The following STK3 variants were observed in gnomAD, a reference collection of about 807,000 sequenced individuals.
STK3 encodes the protein serine/threonine-protein kinase 3.
In STK3, 41 loss-of-function variants were observed where a neutral mutation model predicts 58.0. The observed-to-expected ratio is 0.71, with a 90% CI of 0.55 to 0.92. The LOEUF (loss-of-function observed/expected upper bound fraction) is 0.92. Among genes scored for constraint, STK3 ranks in the 40% least tolerant of loss-of-function variants. The pLI is 0.00. For missense variants in STK3, 479 were observed against 602.7 expected (o/e 0.79, Z 2.15); for synonymous variants, 170 against 191.0 (o/e 0.89, Z 0.91).
At position 98,658,948 on chromosome 8, in the gene STK3, A is replaced by C. The variant is rs1651396731; in HGVS notation, c.684+47519T>G. On this transcript the variant is annotated intron_variant, in intron 6 of 10. Coordinates refer to ENST00000419617, the MANE Select transcript of STK3 (RefSeq NM_006281.4). ...ATGCGCTGCATTAACAACTGCATTAACAACATTTTAGTCCTTTAGATATGC... is the reference window on the plus strand; with the variant it reads ...ATGCGCTGCATTAACAACTGCATTACCAACATTTTAGTCCTTTAGATATGC... Among the ~76,000 whole-genome samples, 7 of 152,218 alleles carry C rather than the reference A, an allele frequency of 4.6e-5. No individual in the cohort carries two copies. In the South Asian group the frequency reaches 1.5e-3, roughly 32 times the overall value.
In STK3 at chr8:98,869,022, AGAAGGAAGGAAGGAAGGAAGGAAG is replaced by A. The variant is rs200905250; in HGVS notation, c.110+14601_110+14624del. On this transcript the variant is annotated intron_variant, in intron 3 of 12. Transcript: ENST00000523601. ...AAAGAGAGAGAGAGAGAAAAAGGAA[AGAAGGAAGGAAGGAAGGAAGGAAG>A]GAAGGAAGGAAGGAAGGAAGGAAGG... Among the ~76,000 whole-genome samples, 424 of 111,776 alleles carry A rather than the reference AGAAGGAAGGAAGGAAGGAAGGAAG, an allele frequency of 3.8e-3. 6 individuals carry two copies. Among genetic ancestry groups the A allele is most frequent in the East Asian group, 0.031 (128 of 4,146 alleles). 73.3% of individuals were successfully genotyped at this position (111,776 alleles called of 152,430 possible). A position where few individuals can be genotyped will look rare whatever the true frequency, so the allele number is the denominator to read the frequency against.
At chr8:98,538,212 T>C (rs779066794) in intron 9 of STK3, among the ~76,000 whole-genome samples, 7 of 152,186 alleles carry the variant, frequency 4.6e-5, no homozygotes, top group African/African-American at 4.8e-5. Flanking sequence ...ACCTCATTAA[T>C]GGCCTTCGAA....
intron 1 of STK3, among the ~76,000 whole-genome samples, chr8:98,795,640 A>G (rs1042110161): frequency 1.3e-5 from 2 of 152,170 alleles, no homozygotes; most frequent in African/African-American, 4.8e-5. Context: ...TACCTAGAAA[A>G]CCTGAAAGGC....
chr8:98,781,562 AC>A (rs1225834983), intron 1 of STK3, among the ~76,000 whole-genome samples: 1 of 152,230 alleles, frequency 6.6e-6, no homozygotes, highest in Non-Finnish European at 1.5e-5. Flanking sequence ...CTCCACGAAT[AC>A]AAAGGTCATT....
At chr8:98,607,067 C>T (rs1453638095) in intron 6 of STK3, among the ~76,000 whole-genome samples, 2 of 152,158 alleles carry the variant, frequency 1.3e-5, no homozygotes, top group Non-Finnish European at 2.9e-5. Context: ...CCACAGTACA[C>T]TCAATTTGTG....
chr8:98,474,465 T>C (rs1821157161), intron 10 of STK3, among the ~76,000 whole-genome samples: 1 of 152,228 alleles, frequency 6.6e-6, no homozygotes, highest in African/African-American at 2.4e-5. Flanking sequence ...TCATGACTGA[T>C]TCTCTTTCAG....
chr8:98,834,355 T>C (rs1835670170), intron 3 of STK3, among the ~76,000 whole-genome samples: 1 of 152,246 alleles, frequency 6.6e-6, no homozygotes. Flanking sequence ...ATAAACTCTC[T>C]ACTTATATTA....
intron 10 of STK3, among the ~76,000 whole-genome samples, chr8:98,497,665 T>G (rs1244931192): frequency 6.6e-6 from 1 of 152,148 alleles, no homozygotes; most frequent in Non-Finnish European, 1.5e-5. Flanking sequence ...AAAGACAATG[T>G]GCAAATGGAC....
At chr8:98,816,104 A>G (rs1564028513) in intron 1 of STK3, among the ~76,000 whole-genome samples, 1 of 152,200 alleles carries the variant, frequency 6.6e-6, no homozygotes. Flanking sequence ...ACTGACCTAT[A>G]TTAAGCAATC....
At chr8:98,863,918 C>A (rs928057444) in intron 3 of STK3, among the ~76,000 whole-genome samples, 2 of 151,950 alleles carry the variant, frequency 1.3e-5, no homozygotes, top group Non-Finnish European at 2.9e-5. Context: ...TGAATCAGGA[C>A]GGGCGCGGTG....
intron 8 of STK3, among the ~76,000 whole-genome samples, chr8:98,570,204 C>T (rs1812849906): frequency 6.6e-6 from 1 of 151,560 alleles, no homozygotes; most frequent in Non-Finnish European, 1.5e-5. Context: ...TCATGGCTCA[C>T]TGCAGCCTCA....
chr8:98,799,244 T>C (rs1254703990), intron 1 of STK3, among the ~76,000 whole-genome samples: 1 of 151,926 alleles, frequency 6.6e-6, no homozygotes, highest in Non-Finnish European at 1.5e-5. Flanking sequence ...TTACATGCAG[T>C]GCAAAAACCC....
intron 6 of STK3, among the ~76,000 whole-genome samples, chr8:98,704,567 A>T (rs528164824): frequency 2.3e-4 from 31 of 134,126 alleles, no homozygotes; most frequent in African/African-American, 7.4e-4. Context: ...ATTTAGATTT[A>T]AAAAAAAAAA....
intron 6 of STK3, among the ~76,000 whole-genome samples, chr8:98,638,781 G>A (rs1819799102): frequency 6.6e-6 from 1 of 152,100 alleles, no homozygotes; most frequent in African/African-American, 2.4e-5. Flanking sequence ...CATGAGAACA[G>A]TATTAAGAGT....
intron 6 of STK3, among the ~76,000 whole-genome samples, chr8:98,625,287 A>G (rs1818630999): frequency 2.0e-5 from 3 of 152,118 alleles, no homozygotes; most frequent in Admixed American, 1.3e-4. Flanking sequence ...CTCTCCGACA[A>G]CACACACATA....
intron 3 of STK3, among the ~76,000 whole-genome samples, chr8:98,844,201 C>T (rs964270838): frequency 6.6e-6 from 1 of 152,116 alleles, no homozygotes; most frequent in Non-Finnish European, 1.5e-5. Context: ...AATTGTGAGC[C>T]ACTATGCCCA....
chr8:98,839,351 C>T (rs1395169759), intron 3 of STK3, among the ~76,000 whole-genome samples: 2 of 152,118 alleles, frequency 1.3e-5, no homozygotes, highest in Non-Finnish European at 1.5e-5. Context: ...CCCAGACTAA[C>T]CTCTTCCTTA....
intron 3 of STK3, among the ~76,000 whole-genome samples, chr8:98,761,487 T>C (rs972825731): frequency 3.3e-5 from 5 of 152,288 alleles, no homozygotes; most frequent in Admixed American, 3.3e-4. Context: ...CATATATAGC[T>C]AAAGGTATAC....
At chr8:98,675,484 T>C (rs902260726) in intron 6 of STK3, among the ~76,000 whole-genome samples, 11 of 152,088 alleles carry the variant, frequency 7.2e-5, no homozygotes, top group Admixed American at 1.3e-4. Context: ...GGAAAAACAG[T>C]ATGGTGGTTC....
Sources: allele counts gnomAD v4.1 joint callset (sites outside exome capture counted in the v4.1 genomes callset), GRCh38; gene constraint gnomAD v4.1.1; transcripts MANE v1.5; gene names NCBI Gene and HGNC (gene_info 2026-07-23, HGNC 2026-07-21).